Variants in HOMER1 observed in about 807,000 individuals in gnomAD.
HOMER1 encodes the protein homer protein homolog 1.
HOMER1 carries 3 observed loss-of-function variants against 48.9 expected under a neutral mutation model. That is an observed-to-expected ratio of 0.06 (90% CI 0.03 to 0.16). The LOEUF is 0.16. Ranked by LOEUF, HOMER1 falls within the 10% of genes least tolerant of loss-of-function variation. The pLI is 1.00. For synonymous variants in HOMER1, 134 were observed against 146.4 expected, an observed-to-expected ratio of 0.92 and a Z score of 0.61; for missense variants, 247 against 411.4, an observed-to-expected ratio of 0.60 and a Z score of 3.46.
At chr5:79,451,861 G>A (rs1192715640) in intron 2 of HOMER1, among the ~76,000 whole-genome samples, 2 of 151,894 alleles carry the variant, frequency 1.3e-5, no homozygotes, top group Admixed American at 6.6e-5. Context: ...GCGCCCGGCC[G>A]ACACTGATTT....
intron 8 of HOMER1, among the ~76,000 whole-genome samples, chr5:79,387,289 G>A (rs944627740): frequency 6.6e-6 from 1 of 151,920 alleles, no homozygotes; most frequent in African/African-American, 2.4e-5. Context: ...ACCATGCCCA[G>A]CTAATTTTTA....
chr5:79,410,009 G>T (rs541504428), intron 5 of HOMER1, among the ~76,000 whole-genome samples: 1 of 152,204 alleles, frequency 6.6e-6, no homozygotes, highest in Admixed American at 6.5e-5. Context: ...CTACTTCTAG[G>T]TATATGCCCA....
chr5:79,484,789 T>C (rs1032208555), intron 1 of HOMER1, among the ~76,000 whole-genome samples: 1 of 152,168 alleles, frequency 6.6e-6, no homozygotes, highest in Non-Finnish European at 1.5e-5. Flanking sequence ...CCATGTGCAT[T>C]TTGTTCACCT....
At chr5:79,379,604 CCTTT>C (rs1748913376) in intron 8 of HOMER1, among the ~76,000 whole-genome samples, 2 of 148,988 alleles carry the variant, frequency 1.3e-5, no homozygotes, top group South Asian at 4.2e-4. Context: ...TCCCTTCTTG[CCTTT>C]CTATTTGCTA....
At chr5:79,420,555 C>T (rs971644759) in intron 5 of HOMER1, among the ~76,000 whole-genome samples, 14 of 152,160 alleles carry the variant, frequency 9.2e-5, no homozygotes, top group African/African-American at 3.4e-4. Context: ...TATAGTTATG[C>T]AATTATTTCT....
chr5:79,489,759 G>C (rs974097766), intron 1 of HOMER1, among the ~76,000 whole-genome samples: 2 of 151,980 alleles, frequency 1.3e-5, no homozygotes, highest in African/African-American at 4.8e-5. Context: ...ATTCAACTTA[G>C]ACTACAACAT....
At chr5:79,408,109 C>A (rs540942771) in intron 5 of HOMER1, among the ~76,000 whole-genome samples, 1 of 152,120 alleles carries the variant, frequency 6.6e-6, no homozygotes, top group South Asian at 2.1e-4. Context: ...AAAACATAAA[C>A]ATAAACCCTA....
In HOMER1 at chr5:79,401,880, A is replaced by T. The variant is rs771587288; in HGVS notation, c.684+19T>A. 2.5e-5 allele frequency: 41 copies of T among 1,612,360 alleles called. No individual in the cohort carries two copies. In the South Asian group the frequency reaches 3.6e-4, roughly 14 times the overall value. On this transcript the variant is annotated intron_variant, in intron 6 of 8. Coordinates refer to ENST00000334082, the MANE Select transcript of HOMER1 (RefSeq NM_004272.5). ...ACCTGTTAGCCCTAAATCCCTATAG[A>T]CATCAGCCCTGAAATTACCCGCTTG...
intron 1 of HOMER1, among the ~76,000 whole-genome samples, chr5:79,466,420 C>G (rs1213863964): frequency 6.6e-6 from 1 of 151,842 alleles, no homozygotes; most frequent in Non-Finnish European, 1.5e-5. Flanking sequence ...ATCACCTGAG[C>G]CAGGTAAGTC....
chr5:79,465,693 C>T (rs1014895018), intron 1 of HOMER1, among the ~76,000 whole-genome samples: 3 of 147,640 alleles, frequency 2.0e-5, no homozygotes, highest in Non-Finnish European at 4.5e-5. Context: ...CCCAGGTTCA[C>T]GCCATTCTCC....
chr5:79,470,019 T>G (rs533379226), intron 1 of HOMER1, among the ~76,000 whole-genome samples: 1 of 152,306 alleles, frequency 6.6e-6, no homozygotes, highest in East Asian at 1.9e-4. Flanking sequence ...GCAATTAACA[T>G]TTTTCACTGA....
intron 5 of HOMER1, among the ~76,000 whole-genome samples, chr5:79,425,931 A>G (rs1750236152): frequency 6.6e-6 from 1 of 152,098 alleles, no homozygotes; most frequent in Non-Finnish European, 1.5e-5. Context: ...CACTTTTGCT[A>G]ATATAAAGTT....
At chr5:79,403,089 T>C (rs1749574271) in intron 5 of HOMER1, among the ~76,000 whole-genome samples, 1 of 152,206 alleles carries the variant, frequency 6.6e-6, no homozygotes, top group Non-Finnish European at 1.5e-5. Flanking sequence ...GACAATTCTT[T>C]TAGTTGGAAA....
intron 5 of HOMER1, among the ~76,000 whole-genome samples, chr5:79,432,831 TCA>T (rs1580447778): frequency 7.0e-6 from 1 of 143,276 alleles, no homozygotes; most frequent in Admixed American, 7.0e-5. Flanking sequence ...ATACTATTGT[TCA>T]CAATTATAGT....
Position 79,375,908 on chromosome 5 carries a change from T to TC in HOMER1, c.*100_*101insG. The TC allele has an allele frequency of 5.8e-6, 3 of 518,968 alleles. No homozygotes were observed. The allele number at this position is 518,968 out of a possible 1,614,324, so 32.1% of individuals were successfully genotyped here. On this transcript the variant is annotated 3_prime_UTR_variant, in exon 9 of 9. Coordinates refer to ENST00000334082, the MANE Select transcript of HOMER1 (RefSeq NM_004272.5). Reference sequence around the variant, plus strand: ...CTCCTGGAGGAGTGATATTCAATTTTTTTTTTTTTTTTTTTGTGCAATCTT... The same window carrying TC: ...CTCCTGGAGGAGTGATATTCAATTTTCTTTTTTTTTTTTTTTGTGCAATCTT...
At chr5:79,465,343 A>G (rs1411309528) in intron 1 of HOMER1, among the ~76,000 whole-genome samples, 1 of 152,156 alleles carries the variant, frequency 6.6e-6, no homozygotes, top group African/African-American at 2.4e-5. Flanking sequence ...TCTCTTTAAA[A>G]AAGAAAAAAA....
At chr5:79,449,921 A>T (rs1750986938) in intron 3 of HOMER1, among the ~76,000 whole-genome samples, 1 of 152,244 alleles carries the variant, frequency 6.6e-6, no homozygotes, top group Non-Finnish European at 1.5e-5. Context: ...AATGTTTATA[A>T]TTAGAAGAAA....
chr5:79,444,727 T>C (rs1028868748), intron 4 of HOMER1, among the ~76,000 whole-genome samples: 1 of 152,200 alleles, frequency 6.6e-6, no homozygotes, highest in African/African-American at 2.4e-5. Context: ...ATCCTTTGAG[T>C]ACTCTTTTAC....
chr5:79,438,316 G>A (rs567937782), intron 5 of HOMER1, among the ~76,000 whole-genome samples: 15 of 152,288 alleles, frequency 9.8e-5, no homozygotes, highest in African/African-American at 3.4e-4. Flanking sequence ...TTGCAAGATT[G>A]CAATTGCACA....
Sources: allele counts gnomAD v4.1 joint callset (sites outside exome capture counted in the v4.1 genomes callset), GRCh38; gene constraint gnomAD v4.1.1; transcripts MANE v1.5; gene names NCBI Gene and HGNC (gene_info 2026-07-23, HGNC 2026-07-21).